KIAA1549: variants seen among roughly 807,000 people sequenced by gnomAD.
The protein encoded by KIAA1549 is KIAA1549, also known as UPF0606 protein KIAA1549.
Under a neutral mutation model 156.4 loss-of-function variants are expected in KIAA1549, and 70 were observed. The ratio of observed to expected loss-of-function variants is 0.45; its 90% confidence interval spans 0.37 to 0.55. The LOEUF is 0.55. Among genes scored for constraint, KIAA1549 ranks in the 20% least tolerant of loss-of-function variants. The pLI is 0.00. For missense variants in KIAA1549, 2,428 were observed against 2,540.9 expected (o/e 0.96, Z 0.96); for synonymous variants, 1,103 against 1,066.4 (o/e 1.03, Z -0.67).
At chr7:138,937,938 G>A (rs555389114) in intron 1 of KIAA1549, among the ~76,000 whole-genome samples, 16 of 152,244 alleles carry the variant, frequency 1.1e-4, no homozygotes, top group South Asian at 2.1e-4. Flanking sequence ...GTTCACTTAC[G>A]GGTGCTCTGC....
intron 12 of KIAA1549, among the ~76,000 whole-genome samples, chr7:138,876,112 T>C (rs866067745): frequency 2.6e-5 from 4 of 152,186 alleles, no homozygotes; most frequent in Admixed American, 6.5e-5. Flanking sequence ...CACCAGCACC[T>C]GACCACAGGC....
At chr7:138,959,055 A>T (rs1813758730) in intron 1 of KIAA1549, among the ~76,000 whole-genome samples, 1 of 151,966 alleles carries the variant, frequency 6.6e-6, no homozygotes, top group Non-Finnish European at 1.5e-5. Flanking sequence ...GCCCACCACC[A>T]CACCTGGTTG....
Position 138,844,393 on chromosome 7 carries a change from G to A in KIAA1549, c.5376C>T (p.Ala1792=). The A allele has an allele frequency of 6.2e-7, 1 of 1,609,588 alleles. No homozygotes were observed. The highest frequency in any genetic ancestry group is 2.2e-5 in the East Asian group (1 of 44,792). ...AGTAGATCCCTCTGGCAGCAAATGG[G>A]GCTTCGGCGGAGGCCTGTGGCTGCT... ...DPQQPQASAE[A]PFAARGIYSE... Residue 1792 remains alanine, a synonymous_variant, in exon 18 of 20, where the codon GCC becomes GCT. Coordinates refer to ENST00000422774, the MANE Select transcript of KIAA1549 (RefSeq NM_001164665.2).
At position 138,917,175 on chromosome 7, in the gene KIAA1549, A is replaced by G; in HGVS notation, c.2451T>C (p.Ala817=). 1.2e-6 allele frequency: 2 copies of G among 1,613,966 alleles called. No homozygotes were observed. Among genetic ancestry groups the G allele is most frequent in the Non-Finnish European group, 8.5e-7 (1 of 1,179,890 alleles). ...TLTPPDDQIS[A]LDGHVSVLAS... ...CCAGGACAGACACGTGACCGTCTAGAGCACTGATTTGGTCGTCAGGAGGTG... is the reference window on the plus strand; with the variant it reads ...CCAGGACAGACACGTGACCGTCTAGGGCACTGATTTGGTCGTCAGGAGGTG... The change falls in exon 2 of 20, where the codon GCT becomes GCC. Residue 817 remains alanine (A), a synonymous_variant. Transcript: ENST00000422774.
intron 1 of KIAA1549, among the ~76,000 whole-genome samples, chr7:138,922,486 T>C (rs1344521591): frequency 6.6e-6 from 1 of 152,112 alleles, no homozygotes; most frequent in Non-Finnish European, 1.5e-5. Context: ...ACTTTAGATA[T>C]TGGAATTATG....
At chr7:138,977,431 T>C (rs1217718813) in intron 1 of KIAA1549, among the ~76,000 whole-genome samples, 1 of 152,210 alleles carries the variant, frequency 6.6e-6, no homozygotes, top group Non-Finnish European at 1.5e-5. Flanking sequence ...TCAATGCCAG[T>C]GATGAAGTGA....
rs1231755926 is a variant in KIAA1549 at position 138,898,944 on chromosome 7, C to T, written c.3847+11G>A. On this transcript the variant is annotated intron_variant, in intron 9 of 19. Transcript: ENST00000422774. ...CAGCACAGCACAGACGACAACACCT[C>T]AGGCACTTACGCTGGGCAATGACAC... 6.2e-7 allele frequency: 1 copy of T among 1,613,546 alleles called. No individual in the cohort carries two copies. The highest frequency in any genetic ancestry group is 8.5e-7 in the Non-Finnish European group (1 of 1,179,508).
chr7:138,861,692 A>T (rs952731255), intron 15 of KIAA1549, among the ~76,000 whole-genome samples: 3 of 144,112 alleles, frequency 2.1e-5, no homozygotes, highest in Non-Finnish European at 4.6e-5. Flanking sequence ...CCCATCTCTA[A>T]AAAAAAAAAA....
At chr7:138,910,397 C>T (rs1002782439) in intron 4 of KIAA1549, among the ~76,000 whole-genome samples, 16 of 131,014 alleles carry the variant, frequency 1.2e-4, no homozygotes, top group Admixed American at 3.2e-4. Context: ...TTCTTAAATT[C>T]TTTTTTTTTT....
intron 1 of KIAA1549, among the ~76,000 whole-genome samples, chr7:138,946,178 T>C (rs956998717): frequency 2.0e-5 from 3 of 152,222 alleles, no homozygotes; most frequent in Non-Finnish European, 4.4e-5. Context: ...TAATATATTA[T>C]GTTCGTTGTT....
chr7:138,976,034 A>C (rs1814367429), intron 1 of KIAA1549, among the ~76,000 whole-genome samples: 2 of 152,184 alleles, frequency 1.3e-5, no homozygotes. Context: ...ACCAAGCAAA[A>C]ACATGTAACA....
At chr7:138,892,462 A>C (rs1811571373) in intron 10 of KIAA1549, among the ~76,000 whole-genome samples, 1 of 152,226 alleles carries the variant, frequency 6.6e-6, no homozygotes, top group African/African-American at 2.4e-5. Flanking sequence ...TGTTGATCTT[A>C]TTACAGTGAA....
intron 3 of KIAA1549, 112 bp from the exon 4 acceptor site, chr7:138,911,435 G>A (rs576141028): frequency 1.7e-5 from 13 of 767,994 alleles, no homozygotes; most frequent in Non-Finnish European, 2.3e-5. Flanking sequence ...AAGGGGTAGT[G>A]CATCACGGAT....
intron 9 of KIAA1549, 113 bp downstream of exon 9, chr7:138,898,842 A>C: frequency 6.8e-6 from 6 of 888,304 alleles, no homozygotes; most frequent in Non-Finnish European, 9.0e-6. Context: ...GCACTTCACC[A>C]TCAGGGTTAT....
rs757213390 is a variant in KIAA1549 at position 138,861,187 on chromosome 7, C to T, written c.5199G>A (p.Gln1733=). 2.5e-6 allele frequency: 4 copies of T among 1,613,716 alleles called. No homozygotes were observed. In the African/African-American group the frequency reaches 4.0e-5, roughly 16 times the overall value. The part of the protein sequence containing the change: ...TPSQEERRAT[Q]WGSFYSPAQT... Reference sequence around the variant, plus strand: ...GGGCTGGGCTGTAGAAGGACCCCCACTGGGTGGCTCGCCTCTCTTCCTGGG... The same window carrying T: ...GGGCTGGGCTGTAGAAGGACCCCCATTGGGTGGCTCGCCTCTCTTCCTGGG... Residue 1733 remains glutamine, a synonymous_variant, in exon 16 of 20, where the codon CAG becomes CAA. Coordinates refer to ENST00000422774, the MANE Select transcript of KIAA1549 (RefSeq NM_001164665.2).
intron 16 of KIAA1549, among the ~76,000 whole-genome samples, chr7:138,855,490 T>G (rs1291954217): frequency 1.3e-5 from 2 of 152,180 alleles, no homozygotes; most frequent in East Asian, 3.9e-4. Flanking sequence ...ATGGTGTGGA[T>G]GGATTTAAGA....
In KIAA1549 at chr7:138,927,922, C is replaced by CTTTT. The variant is rs1200610758; in HGVS notation, c.188-8488_188-8485dup. 3.7e-4 allele frequency among the ~76,000 whole-genome samples: 52 copies of CTTTT among 139,170 alleles called. 1 individual carries two copies. The highest frequency in any genetic ancestry group is 1.2e-3 in the African/African-American group (47 of 38,034). 91.3% of individuals were successfully genotyped at this position (139,170 alleles called of 152,430 possible). A position where few individuals can be genotyped will look rare whatever the true frequency, so the allele number is the denominator to read the frequency against. ...CATGTTGCCTCTGCTATTGTCTTGT[C>CTTTT]TTTTTTTTTTTTTTTTGAGACAGAG... On this transcript the variant is annotated intron_variant, in intron 1 of 19. Coordinates refer to ENST00000422774, the MANE Select transcript of KIAA1549 (RefSeq NM_001164665.2).
chr7:138,885,399 A>T (rs1811361806), intron 10 of KIAA1549, among the ~76,000 whole-genome samples: 1 of 152,206 alleles, frequency 6.6e-6, no homozygotes, highest in Admixed American at 6.5e-5. Flanking sequence ...TAGCCCTAGC[A>T]GCATGACCCA....
At chr7:138,934,407 A>G (rs1174582916) in intron 1 of KIAA1549, among the ~76,000 whole-genome samples, 1 of 128,930 alleles carries the variant, frequency 7.8e-6, no homozygotes, top group African/African-American at 2.9e-5. Flanking sequence ...ATTTGCTACT[A>G]AAAAAAAAAA....
Sources: allele counts gnomAD v4.1 joint callset (sites outside exome capture counted in the v4.1 genomes callset), GRCh38; gene constraint gnomAD v4.1.1; transcripts MANE v1.5; gene names NCBI Gene and HGNC (gene_info 2026-07-23, HGNC 2026-07-21).